Variants in FHOD3 observed in about 807,000 individuals in gnomAD.
The protein encoded by FHOD3 is formin homology 2 domain containing 3, also known as FH1/FH2 domain-containing protein 3.
FHOD3 carries 90 observed loss-of-function variants against 173.0 expected under a neutral mutation model. That is an observed-to-expected ratio of 0.52 (90% CI 0.44 to 0.62). The LOEUF is 0.62. Among genes scored for constraint, FHOD3 ranks in the 20% least tolerant of loss-of-function variants. FHOD3 has a pLI of 0.00. For synonymous variants in FHOD3, 828 were observed against 823.0 expected (o/e 1.01, Z -0.10); for missense variants, 1,945 against 2,034.7 (o/e 0.96, Z 0.85).
chr18:36,538,028 T>C (rs1231487068), intron 5 of FHOD3, among the ~76,000 whole-genome samples: 1 of 151,972 alleles, frequency 6.6e-6, no homozygotes, highest in Non-Finnish European at 1.5e-5. Context: ...TATAAATCAA[T>C]ACCAGAAAGA....
intron 17 of FHOD3, among the ~76,000 whole-genome samples, chr18:36,702,999 C>T (rs1434070608): frequency 6.6e-6 from 1 of 152,162 alleles, no homozygotes; most frequent in East Asian, 1.9e-4. Context: ...CAGTGAGGTC[C>T]TGTTGGTCAG....
At chr18:36,389,512 T>C (rs2048194270) in intron 3 of FHOD3, among the ~76,000 whole-genome samples, 1 of 152,212 alleles carries the variant, frequency 6.6e-6, no homozygotes. Flanking sequence ...GACTGGGCTT[T>C]TGGGCTGGAC....
intron 6 of FHOD3, among the ~76,000 whole-genome samples, chr18:36,591,261 G>C (rs557790523): frequency 6.6e-6 from 1 of 152,178 alleles, no homozygotes; most frequent in African/African-American, 2.4e-5. Context: ...GATACTCTCC[G>C]AAGAGTTCCC....
chr18:36,775,412 C>T (rs1272841368), intron 28 of FHOD3, among the ~76,000 whole-genome samples: 4 of 152,164 alleles, frequency 2.6e-5, no homozygotes, highest in Non-Finnish European at 5.9e-5. Flanking sequence ...ACAGCTGTTT[C>T]CAGTGTGGAC....
intron 3 of FHOD3, among the ~76,000 whole-genome samples, chr18:36,450,991 A>T (rs535058519): frequency 3.3e-5 from 5 of 152,216 alleles, no homozygotes; most frequent in African/African-American, 9.6e-5. Flanking sequence ...ATTGGTAATC[A>T]TGTCTGTTCG....
chr18:36,348,926 T>C (rs1372386975), intron 1 of FHOD3, among the ~76,000 whole-genome samples: 2 of 152,070 alleles, frequency 1.3e-5, no homozygotes, highest in Non-Finnish European at 2.9e-5. Flanking sequence ...GTGCAGAGCA[T>C]GTGGAGTGTG....
intron 7 of FHOD3, among the ~76,000 whole-genome samples, chr18:36,601,427 T>C (rs544562497): frequency 7.2e-5 from 11 of 152,338 alleles, no homozygotes; most frequent in African/African-American, 2.4e-4. Flanking sequence ...TGCTTCCTGG[T>C]TCTTTTAAAA....
chr18:36,763,173 T>A (rs2042973533), intron 27 of FHOD3, among the ~76,000 whole-genome samples: 1 of 148,220 alleles, frequency 6.7e-6, no homozygotes, highest in South Asian at 2.1e-4. Context: ...ATATGTGTAT[T>A]ATATACGCTA....
intron 3 of FHOD3, among the ~76,000 whole-genome samples, chr18:36,405,806 G>C (rs1219030613): frequency 6.6e-6 from 1 of 152,186 alleles, no homozygotes; most frequent in East Asian, 1.9e-4. Flanking sequence ...GTGGCTGTAA[G>C]GTTCATGTAT....
intron 14 of FHOD3, among the ~76,000 whole-genome samples, chr18:36,663,738 T>C (rs150644836): frequency 8.9e-4 from 135 of 152,362 alleles, no homozygotes; most frequent in African/African-American, 3.1e-3. Flanking sequence ...TTTCCATGCA[T>C]TTCCTGCCTG....
intron 2 of FHOD3, 70 bp from the exon 3 acceptor site, chr18:36,372,610 T>C: frequency 1.5e-6 from 2 of 1,342,270 alleles, no homozygotes; most frequent in Non-Finnish European, 2.1e-6. Context: ...AACCTTCACG[T>C]GGATTGACAG....
chr18:36,723,968 G>A (rs1395529016), intron 19 of FHOD3, among the ~76,000 whole-genome samples: 3 of 152,196 alleles, frequency 2.0e-5, no homozygotes, highest in Non-Finnish European at 4.4e-5. Context: ...ATGTCTCTGA[G>A]GGGGAAGTTA....
intron 5 of FHOD3, among the ~76,000 whole-genome samples, chr18:36,513,858 C>G (rs970722435): frequency 1.3e-5 from 2 of 151,952 alleles, no homozygotes; most frequent in Non-Finnish European, 2.9e-5. Context: ...TCCTGAGCCT[C>G]TCACTTTGCT....
intron 3 of FHOD3, among the ~76,000 whole-genome samples, chr18:36,463,185 ATTAG>A (rs1384643284): frequency 2.0e-5 from 3 of 151,774 alleles, no homozygotes; most frequent in Admixed American, 6.6e-5. Context: ...TAAAATCCAA[ATTAG>A]TTAGGTGGTT....
intron 23 of FHOD3, among the ~76,000 whole-genome samples, chr18:36,745,769 C>CA (rs971967383): frequency 2.7e-5 from 4 of 148,158 alleles, no homozygotes; most frequent in Admixed American, 6.7e-5. Context: ...ACCCTCCATG[C>CA]ACCTGCCACT....
intron 3 of FHOD3, among the ~76,000 whole-genome samples, chr18:36,403,590 A>G (rs2048923701): frequency 6.6e-6 from 1 of 152,344 alleles, no homozygotes; most frequent in East Asian, 1.9e-4. Context: ...TTTAACTCTT[A>G]GTCATCATAA....
chr18:36,505,458 T>G (rs1002075928), intron 4 of FHOD3, among the ~76,000 whole-genome samples: 14 of 152,152 alleles, frequency 9.2e-5, no homozygotes, highest in Admixed American at 2.6e-4. Flanking sequence ...AAGCTAAAAA[T>G]GAAGATCTCA....
intron 28 of FHOD3, among the ~76,000 whole-genome samples, chr18:36,770,725 G>C (rs139560883): frequency 1.4e-3 from 212 of 152,232 alleles, no homozygotes; most frequent in African/African-American, 4.7e-3. Flanking sequence ...CTTGAGCTGT[G>C]GTTCTCAACC....
intron 6 of FHOD3, among the ~76,000 whole-genome samples, chr18:36,585,579 C>T (rs1284086680): frequency 6.6e-6 from 1 of 151,964 alleles, no homozygotes; most frequent in African/African-American, 2.4e-5. Flanking sequence ...GACAGGTCTC[C>T]AGACACAGGG....
Sources: gnomAD v4.1 joint callset for allele counts (sites outside exome capture counted in the v4.1 genomes callset) on GRCh38, gnomAD v4.1.1 for gene constraint, MANE v1.5 for transcripts, NCBI Gene and HGNC (gene_info 2026-07-23, HGNC 2026-07-21) for gene names.